The following DNAJC22 variants were observed in gnomAD, a reference collection of about 807,000 sequenced individuals.
The protein encoded by DNAJC22 is dnaJ homolog subfamily C member 22.
DNAJC22 carries 24 observed loss-of-function variants against 22.2 expected under a neutral mutation model. The ratio of observed to expected loss-of-function variants is 1.08; its 90% CI spans 0.78 to 1.52. DNAJC22 has a LOEUF of 1.52. Ranked by LOEUF, DNAJC22 falls within the 40% of genes most tolerant of loss-of-function variation. The pLI, the probability that DNAJC22 is intolerant of heterozygous loss-of-function variation, is 0.00. For synonymous variants in DNAJC22, 160 were observed against 167.4 expected, an observed-to-expected ratio of 0.96 and a Z score of 0.34; for missense variants, 434 against 421.7, an observed-to-expected ratio of 1.03 and a Z score of -0.26.
At chr12:49,351,070 T>C (rs1943777574) in intron 3 of DNAJC22, 2 of 838,670 alleles carry the variant, frequency 2.4e-6, no homozygotes, top group South Asian at 5.5e-5. Context: ...GGTTAATGGC[T>C]CTTGCCATGA....
At position 49,349,587 on chromosome 12, in the gene DNAJC22, C is replaced by G; in HGVS notation, c.715C>G (p.Pro239Ala). 1 of 1,614,234 alleles carries G rather than the reference C, an allele frequency of 6.2e-7. No individual in the cohort carries two copies. The highest frequency in any genetic ancestry group is 8.5e-7 in the Non-Finnish European group (1 of 1,180,044). The change falls in exon 3 of 4, where the codon CCT becomes GCT. Residue 239 changes from proline to alanine, a missense_variant. Physicochemically the swap from Pro to Ala is conservative, Grantham distance 27. Coordinates refer to ENST00000549441, the MANE Select transcript of DNAJC22 (RefSeq NM_001304944.2). ...GRLMEFVLLL[P>A]YRIWRLLMGE... Reference sequence around the variant, plus strand: ...CCTCATGGAGTTTGTCCTCCTTCTGCCTTACCGGATCTGGAGGCTACTGAT... The same window carrying G: ...CCTCATGGAGTTTGTCCTCCTTCTGGCTTACCGGATCTGGAGGCTACTGAT...
At position 49,351,427 on chromosome 12, in the gene DNAJC22, G is replaced by A. The variant is rs1158969523; in HGVS notation, c.951G>A (p.Gln317=). Residue 317 remains glutamine (Q), a synonymous_variant, in exon 4 of 4, where the codon CAG becomes CAA. Coordinates refer to ENST00000549441, the MANE Select transcript of DNAJC22 (RefSeq NM_001304944.2). ...DHNLDQTEEA[Q]RHFLEIQAAY... The stretch of plus-strand genomic sequence containing the variant: ...ACCTGGACCAGACAGAGGAGGCACA[G>A]AGGCACTTCCTGGAGATCCAGGCTG... 1 of 1,607,882 alleles carries A rather than the reference G, an allele frequency of 6.2e-7. No individual in the cohort carries two copies. The highest frequency in any genetic ancestry group is 1.3e-5 in the African/African-American group (1 of 74,226).
chr12:49,351,727 C>A lies in DNAJC22; in HGVS notation c.*225C>A. On this transcript the variant is annotated 3_prime_UTR_variant, in exon 4 of 4. Coordinates refer to ENST00000549441, the MANE Select transcript of DNAJC22 (RefSeq NM_001304944.2). ...CAGCCTGGCCAATATAGTGAAACTT[C>A]GTCTCTACTAAAAATACAAAAAATT... is the stretch of plus-strand genomic sequence containing the variant. 3.3e-6 allele frequency: 1 copy of A among 299,634 alleles called. No homozygotes were observed. The highest frequency in any genetic ancestry group is 2.2e-5 in the African/African-American group (1 of 45,272). 18.6% of individuals were successfully genotyped at this position (299,634 alleles called of 1,614,324 possible). A position where few individuals can be genotyped will look rare whatever the true frequency, so the allele number is the denominator to read the frequency against.
At position 49,348,872 on chromosome 12, in the gene DNAJC22, G is replaced by A. The variant is rs1195667480; in HGVS notation, c.-1G>A. On this transcript the variant is annotated 5_prime_UTR_variant, in exon 3 of 4. Transcript: ENST00000549441. ...TTGTTCTGAGACCTTTGCCCTAGAGGATGGCCAAGGGGCTCCTGGTGACCT... is the reference window on the plus strand; with the variant it reads ...TTGTTCTGAGACCTTTGCCCTAGAGAATGGCCAAGGGGCTCCTGGTGACCT... 7 of 1,492,852 alleles carry A rather than the reference G, an allele frequency of 4.7e-6. No individual in the cohort carries two copies. Among genetic ancestry groups the A allele is most frequent in the Non-Finnish European group, 5.3e-6 (6 of 1,122,398 alleles). 92.5% of individuals were successfully genotyped at this position (1,492,852 alleles called of 1,614,324 possible).
At chr12:49,348,582 C>T (rs1442417460) in intron 2 of DNAJC22, among the ~76,000 whole-genome samples, 184 bp from the exon 3 acceptor site, 1 of 152,148 alleles carries the variant, frequency 6.6e-6, no homozygotes, top group East Asian at 1.9e-4. Flanking sequence ...AAACAGCTTT[C>T]TCCTCTAAAT....
rs921393952 is a variant in DNAJC22, at chr12:49,352,399, C to A, written c.*897C>A. On this transcript the variant is annotated 3_prime_UTR_variant, in exon 4 of 4. Coordinates refer to ENST00000549441, the MANE Select transcript of DNAJC22 (RefSeq NM_001304944.2). Reference sequence around the variant, plus strand: ...GCCATGGTGGCACATGCCTGTAGCCCCAGCTAGTCGGGAGGCTGAGGCAGG... The same window carrying A: ...GCCATGGTGGCACATGCCTGTAGCCACAGCTAGTCGGGAGGCTGAGGCAGG... 3 of 152,142 alleles carry A rather than the reference C, an allele frequency of 2.0e-5. No homozygotes were observed. Among genetic ancestry groups the A allele is most frequent in the African/African-American group, 7.2e-5 (3 of 41,418 alleles). 9.4% of individuals were successfully genotyped at this position (152,142 alleles called of 1,614,324 possible).
At chr12:49,350,329 T>C (rs959522369) in intron 3 of DNAJC22, among the ~76,000 whole-genome samples, 1 of 151,832 alleles carries the variant, frequency 6.6e-6, no homozygotes, top group Admixed American at 6.6e-5. Context: ...CACCCACCTT[T>C]GCCTCCCAAA....
Position 49,349,315 on chromosome 12 carries a change from G to A in DNAJC22, c.443G>A (p.Arg148His), listed in dbSNP as rs140061344. The A allele has an allele frequency of 3.0e-4, 482 of 1,613,042 alleles. No individual in the cohort carries two copies. In the East Asian group the frequency reaches 7.8e-3, roughly 26 times the overall value. The part of the protein sequence containing the change: ...AFLTSPIFYG[R>H]PIAILPISVA... ...CTCACTTCACCTATCTTCTATGGCC[G>A]CCCCATAGCCATACTGCCCATTAGC... The change falls in exon 3 of 4, where the codon CGC becomes CAC. Residue 148 changes from arginine to histidine, a missense_variant. Coordinates refer to ENST00000549441, the MANE Select transcript of DNAJC22 (RefSeq NM_001304944.2).
intron 2 of DNAJC22, 40 bp from the exon 3 acceptor site, chr12:49,348,726 T>G (rs1300948338): frequency 8.7e-7 from 1 of 1,146,228 alleles, no homozygotes; most frequent in Non-Finnish European, 1.1e-6. Context: ...TGTTGGAGCC[T>G]GGACATCATC....
chr12:49,351,454 G>C lies in DNAJC22; in HGVS notation c.978G>C (p.Ala326=), dbSNP rs189793992. Residue 326 remains alanine (A), a synonymous_variant, in exon 4 of 4, where the codon GCG becomes GCC. Coordinates refer to ENST00000549441, the MANE Select transcript of DNAJC22 (RefSeq NM_001304944.2). ...AQRHFLEIQA[A]YEVLSQPRKP... ...GGCACTTCCTGGAGATCCAGGCTGCGTATGAAGTCCTGAGTCAACCCAGGA... is the reference window on the plus strand; with the variant it reads ...GGCACTTCCTGGAGATCCAGGCTGCCTATGAAGTCCTGAGTCAACCCAGGA... The C allele has an allele frequency of 3.7e-6, 6 of 1,600,136 alleles. No individual in the cohort carries two copies. In the East Asian group the frequency reaches 9.1e-5, roughly 24 times the overall value.
At position 49,351,320 on chromosome 12, in the gene DNAJC22, T is replaced by A. The variant is rs927771060; in HGVS notation, c.844T>A (p.Leu282Met). Residue 282 changes from leucine (L) to methionine (M), a missense_variant, in exon 4 of 4, where the codon TTG (leucine) becomes ATG (methionine). By Grantham distance (15) the Leu-to-Met change is conservative (BLOSUM62 2). Coordinates refer to ENST00000549441, the MANE Select transcript of DNAJC22 (RefSeq NM_001304944.2). The part of the protein sequence containing the change: ...DEKRQLAYQV[L>M]GLSEGATNEE... ...TGTCATCTTCTGTTTCCATAAGGTT[T>A]TGGGCCTCTCAGAAGGGGCAACAAA... 2 of 1,613,394 alleles carry A rather than the reference T, an allele frequency of 1.2e-6. No homozygotes were observed. The highest frequency in any genetic ancestry group is 2.7e-5 in the African/African-American group (2 of 74,836).
rs1184314953 is a variant in DNAJC22, at chr12:49,352,059, A to G, written c.*557A>G. ...TTCTTAAAACCAGAGAGTGAAAGGC[A>G]TATTATAAAACAATCAAATATCTTT... is the stretch of plus-strand genomic sequence containing the variant. On this transcript the variant is annotated 3_prime_UTR_variant, in exon 4 of 4. Coordinates refer to ENST00000549441, the MANE Select transcript of DNAJC22 (RefSeq NM_001304944.2). 2 of 152,238 alleles carry G rather than the reference A, an allele frequency of 1.3e-5. No homozygotes were observed. The highest frequency in any genetic ancestry group is 2.9e-5 in the Non-Finnish European group (2 of 68,060). 9.4% of individuals were successfully genotyped at this position (152,238 alleles called of 1,614,324 possible). A position where few individuals can be genotyped will look rare whatever the true frequency, so the allele number is the denominator to read the frequency against.
intron 3 of DNAJC22, among the ~76,000 whole-genome samples, chr12:49,350,967 A>T (rs1329185451): frequency 5.9e-5 from 9 of 152,036 alleles, no homozygotes; most frequent in South Asian, 2.1e-4. Context: ...TTTCTTGTAC[A>T]TGTCTTTGGT....
rs982040385 is a variant in DNAJC22, at chr12:49,351,576, C to T, written c.*74C>T. On this transcript the variant is annotated 3_prime_UTR_variant, in exon 4 of 4. Coordinates refer to ENST00000549441, the MANE Select transcript of DNAJC22 (RefSeq NM_001304944.2). ...CTTGTCCCAAATCTAGCTTTGCCCA[C>T]GAATGGCATCCCAACAGAGTTAAAG... The T allele has an allele frequency of 2.6e-5, 38 of 1,439,916 alleles. No individual in the cohort carries two copies. In the Admixed American group the frequency reaches 5.9e-4, roughly 22 times the overall value. 89.2% of individuals were successfully genotyped at this position (1,439,916 alleles called of 1,614,324 possible).
intron 3 of DNAJC22, among the ~76,000 whole-genome samples, chr12:49,350,285 C>T (rs112851084): frequency 0.015 from 2,299 of 152,014 alleles, 53 homozygotes; most frequent in African/African-American, 0.052. Context: ...CCATGTTGGC[C>T]AGGCTGGTTT....
In DNAJC22 at chr12:49,351,400, C is replaced by G; in HGVS notation, c.924C>G (p.His308Gln). 1 of 1,613,144 alleles carries G rather than the reference C, an allele frequency of 6.2e-7. No individual in the cohort carries two copies. The highest frequency in any genetic ancestry group is 1.1e-5 in the South Asian group (1 of 91,024). Residue 308 changes from histidine (H) to glutamine (Q), a missense_variant, in exon 4 of 4, where the codon CAC becomes CAG. Physicochemically the swap from His to Gln is conservative, Grantham distance 24 (BLOSUM62 0). Coordinates refer to ENST00000549441, the MANE Select transcript of DNAJC22 (RefSeq NM_001304944.2). ...QELVKVWHPD[H>Q]NLDQTEEAQR... ...TAGTGAAGGTCTGGCACCCAGACCA[C>G]AACCTGGACCAGACAGAGGAGGCAC...
Position 49,352,169 on chromosome 12 carries a change from C to T in DNAJC22, c.*667C>T, listed in dbSNP as rs1400235386. On this transcript the variant is annotated 3_prime_UTR_variant, in exon 4 of 4. Transcript: ENST00000549441. ...AGAGAACACACCACCTTATCCCACC[C>T]ATGATATATTGATGTGTGATGGAGA... 6.6e-6 allele frequency: 1 copy of T among 152,236 alleles called. No homozygotes were observed. The highest frequency in any genetic ancestry group is 2.4e-5 in the African/African-American group (1 of 41,548). 9.4% of individuals were successfully genotyped at this position (152,236 alleles called of 1,614,324 possible).
chr12:49,348,871 G>A lies in DNAJC22; in HGVS notation c.-2G>A, dbSNP rs1471871693. 6.7e-7 allele frequency: 1 copy of A among 1,493,262 alleles called. No individual in the cohort carries two copies. The highest frequency in any genetic ancestry group is 8.9e-7 in the Non-Finnish European group (1 of 1,122,604). 92.5% of individuals were successfully genotyped at this position (1,493,262 alleles called of 1,614,324 possible). On this transcript the variant is annotated 5_prime_UTR_variant, in exon 3 of 4. Transcript: ENST00000549441. ...CTTGTTCTGAGACCTTTGCCCTAGA[G>A]GATGGCCAAGGGGCTCCTGGTGACC... is the stretch of plus-strand genomic sequence containing the variant.
At chr12:49,350,061 T>C (rs549947704) in intron 3 of DNAJC22, among the ~76,000 whole-genome samples, 34 of 152,034 alleles carry the variant, frequency 2.2e-4, no homozygotes, top group Middle Eastern at 3.4e-3. Context: ...CATACATTAG[T>C]TTTGCTCATT....
Sources: allele counts gnomAD v4.1 joint callset (sites outside exome capture counted in the v4.1 genomes callset), GRCh38; gene constraint gnomAD v4.1.1; transcripts MANE v1.5; gene names NCBI Gene and HGNC (gene_info 2026-07-23, HGNC 2026-07-21).